Variants in TGM1 observed in about 807,000 individuals in gnomAD.
The protein encoded by TGM1 is transglutaminase 1, also known as protein-glutamine gamma-glutamyltransferase K.
In TGM1, 63 loss-of-function variants were observed where a neutral mutation model predicts 88.7. The observed-to-expected ratio is 0.71, with a 90% CI of 0.58 to 0.88. The LOEUF (loss-of-function observed/expected upper bound fraction) is 0.88. Among genes scored for constraint, TGM1 ranks in the 40% least tolerant of loss-of-function variants. The probability of loss-of-function intolerance (pLI) is 0.00; values close to 1 mark genes in which losing one functional copy is unlikely to be tolerated. For missense variants in TGM1, 996 were observed against 1,118.0 expected (o/e 0.89, Z 1.56); for synonymous variants, 415 against 431.1 (o/e 0.96, Z 0.46).
In TGM1 at chr14:24,255,461, A is replaced by G. The variant is rs201388438; in HGVS notation, c.1548T>C (p.Val516=). The G allele has an allele frequency of 2.1e-5, 34 of 1,614,062 alleles. No individual in the cohort carries two copies. The Admixed American group carries it at 5.7e-4, about 27-fold the overall frequency. ...QRQDDGSFKI[V]YVEEKAIGTL... is the part of the protein sequence containing the mutation. ...TGCCGATGGCCTTCTCCTCCACATA[A>G]ACAATCTTGAAGCTGCCATCATCCT... The change falls in exon 11 of 15, where the codon GTT becomes GTC. Residue 516 remains valine (V), a synonymous_variant. Transcript: ENST00000206765. The surrounding 1 kb of genome is among the most constrained non-coding windows in gnomAD (Gnocchi z 4.0).
Position 24,255,611 on chromosome 14 carries a change from G to A in TGM1, c.1492-94C>T. 2 of 1,554,004 alleles carry A rather than the reference G, an allele frequency of 1.3e-6. No individual in the cohort carries two copies. The highest frequency in any genetic ancestry group is 1.8e-6 in the Non-Finnish European group (2 of 1,136,732). ...CCTTCCCCTGATCCCAGGAGCTATG[G>A]GACAGGGCTTGGTCCCAAGGGTGGG... On this transcript the variant is annotated intron_variant, in intron 10 of 14. Transcript: ENST00000206765. The surrounding 1 kb of genome is among the most constrained non-coding windows in gnomAD (Gnocchi z 4.0).
intron 9 of TGM1, among the ~76,000 whole-genome samples, chr14:24,257,588 A>G (rs2040764848): frequency 6.6e-6 from 1 of 152,226 alleles, no homozygotes; most frequent in African/African-American, 2.4e-5. Flanking sequence ...TATGTGCTTA[A>G]AAGGACTGGA....
At chr14:24,261,215 A>G (rs920802395) in intron 3 of TGM1, among the ~76,000 whole-genome samples, 17 of 152,174 alleles carry the variant, frequency 1.1e-4, no homozygotes, top group Non-Finnish European at 5.9e-5. Context: ...CAGCAGCATA[A>G]TCACCAGCCT....
chr14:24,258,743 CA>C (rs1566378650), intron 7 of TGM1, 70 bp from the exon 8 acceptor site: 19 of 1,597,790 alleles, frequency 1.2e-5, no homozygotes, highest in East Asian at 2.2e-5. Flanking sequence ...TCAGGAGTAT[CA>C]GGGGGAGAAG....
chr14:24,258,464 C>A, intron 8 of TGM1, 71 bp downstream of exon 8: 1 of 1,541,960 alleles, frequency 6.5e-7, no homozygotes. Context: ...CTCCCCAGCC[C>A]TGCCCACCCT....
intron 3 of TGM1, 106 bp downstream of exon 3, chr14:24,261,589 G>A: frequency 2.2e-6 from 3 of 1,382,706 alleles, no homozygotes; most frequent in Admixed American, 3.4e-5. Flanking sequence ...TCTGGCAGAG[G>A]TGAGGAGTGG....
intron 14 of TGM1, among the ~76,000 whole-genome samples, chr14:24,249,939 C>T (rs2040686825): frequency 6.6e-6 from 1 of 152,070 alleles, no homozygotes; most frequent in Non-Finnish European, 1.5e-5. Context: ...ACTTTGGGGG[C>T]CCAACACAAT....
rs1479650998 is a variant in TGM1 at position 24,253,448 on chromosome 14, GTGTGTGTGTGTGTGTC to G, written c.2225+688_2225+703del. 1.7e-4 allele frequency among the ~76,000 whole-genome samples: 25 copies of G among 151,012 alleles called. No homozygotes were observed. The South Asian group carries it at 4.4e-3, about 27-fold the overall frequency. On this transcript the variant is annotated intron_variant, in intron 14 of 14. Coordinates refer to ENST00000206765, the MANE Select transcript of TGM1 (RefSeq NM_000359.3). ...ACTTCGCTTGTGTGTGTGTGTCTCT[GTGTGTGTGTGTGTGTC>G]TGTGTGTGTGTGTGACAGAGAGAGA...
chr14:24,257,401 A>G (rs2040762333), intron 9 of TGM1, among the ~76,000 whole-genome samples: 1 of 152,208 alleles, frequency 6.6e-6, no homozygotes, highest in Non-Finnish European at 1.5e-5. Flanking sequence ...AAACACATGT[A>G]TGTGGACACA....
At position 24,255,192 on chromosome 14, in the gene TGM1, C is replaced by G; in HGVS notation, c.1707G>C (p.Val569=). 6.2e-7 allele frequency: 1 copy of G among 1,614,046 alleles called. No individual in the cohort carries two copies. Among genetic ancestry groups the G allele is most frequent in the Non-Finnish European group, 8.5e-7 (1 of 1,180,040 alleles). ...TAAAHGSKPN[V]YANRGSAEDV... is the part of the protein sequence containing the mutation. Reference sequence around the variant, plus strand: ...CCTCCGCTGAGCCCCGGTTGGCATACACATTGGGTTTGCTGCCGTGGGCTG... The same window carrying G: ...CCTCCGCTGAGCCCCGGTTGGCATAGACATTGGGTTTGCTGCCGTGGGCTG... Residue 569 remains valine (V), a synonymous_variant, in exon 12 of 15, where the codon GTG becomes GTC. Transcript: ENST00000206765. The surrounding 1 kb of genome is among the most constrained non-coding windows in gnomAD (Gnocchi z 4.0).
At position 24,258,682 on chromosome 14, in the gene TGM1, G is replaced by A. The variant is rs781705696; in HGVS notation, c.1160-9C>T. ...ACCCAGGCAGCGCAGCACTGTGGAG[G>A]AGCGAAGGTTGGGGTTCAAGGCATG... On this transcript the variant is annotated splice_polypyrimidine_tract_variant and intron_variant, in intron 7 of 14. Transcript: ENST00000206765. 1.9e-6 allele frequency: 3 copies of A among 1,613,446 alleles called. No individual in the cohort carries two copies. The highest frequency in any genetic ancestry group is 2.5e-6 in the Non-Finnish European group (3 of 1,179,346).
chr14:24,257,948 A>G (rs2040769541), intron 9 of TGM1, among the ~76,000 whole-genome samples: 2 of 152,210 alleles, frequency 1.3e-5, no homozygotes, highest in African/African-American at 4.8e-5. Flanking sequence ...AATTATCTCC[A>G]GGATATGTAA....
At chr14:24,254,384 A>C in intron 13 of TGM1, 96 bp from the exon 14 acceptor site, 1 of 1,577,018 alleles carries the variant, frequency 6.3e-7, no homozygotes, top group Non-Finnish European at 8.7e-7. Context: ...GCTTAGAAGC[A>C]AAACCTCCCC....
At chr14:24,253,101 A>G (rs529698586) in intron 14 of TGM1, among the ~76,000 whole-genome samples, 1 of 152,240 alleles carries the variant, frequency 6.6e-6, no homozygotes, top group South Asian at 2.1e-4. Context: ...AAAACAAACA[A>G]TGAGTTTGAG....
rs1357005778 is a variant in TGM1, at chr14:24,255,667, T to C, written c.1492-150A>G. The C allele has an allele frequency of 8.2e-6, 9 of 1,096,300 alleles. No individual in the cohort carries two copies. The highest frequency in any genetic ancestry group is 2.6e-6 in the Non-Finnish European group (2 of 756,232). 67.9% of individuals were successfully genotyped at this position (1,096,300 alleles called of 1,614,324 possible). A position where few individuals can be genotyped will look rare whatever the true frequency, so the allele number is the denominator to read the frequency against. ...CCTGGCAGAGCCCAAGGGGAGACTT[T>C]CCAAGACGAGCCAGACGAGGCCAGA... is the stretch of plus-strand genomic sequence containing the variant. On this transcript the variant is annotated intron_variant, in intron 10 of 14. Coordinates refer to ENST00000206765, the MANE Select transcript of TGM1 (RefSeq NM_000359.3). The surrounding 1 kb of genome is among the most constrained non-coding windows in gnomAD (Gnocchi z 4.0).
intron 12 of TGM1, 21 bp from the exon 13 acceptor site, chr14:24,254,845 G>T: frequency 1.2e-6 from 2 of 1,613,504 alleles, no homozygotes; most frequent in Non-Finnish European, 1.7e-6. Flanking sequence ...GAGGCATGGC[G>T]TCACTGAGGC....
At position 24,259,091 on chromosome 14, in the gene TGM1, A is replaced by C. The variant is rs149449576; in HGVS notation, c.1143T>G (p.Ala381=). The C allele has an allele frequency of 1.1e-4, 171 of 1,613,916 alleles. No individual in the cohort carries two copies. Among genetic ancestry groups the C allele is most frequent in the Non-Finnish European group, 1.4e-4 (169 of 1,180,012 alleles). ...CTCCACTACCTGTGGTGGTCACGCCAGCAAAGACCCAGCACTGGCCATAGG... is the reference window on the plus strand; with the variant it reads ...CTCCACTACCTGTGGTGGTCACGCCCGCAAAGACCCAGCACTGGCCATAGG... The part of the protein sequence containing the change: ...SVPYGQCWVF[A]GVTTTVLRCL... The change falls in exon 7 of 15, where the codon GCT becomes GCG. Residue 381 remains alanine, a synonymous_variant. Transcript: ENST00000206765. The surrounding 1 kb of genome is among the most constrained non-coding windows in gnomAD (Gnocchi z 5.7).
Position 24,256,084 on chromosome 14 carries a change from A to G in TGM1, c.1403-7T>C. The stretch of plus-strand genomic sequence containing the variant: ...GGGCCGCAGCAGAAGATGCCTAGAG[A>G]GTGAGGCGGGACAGAGGCAAGAGAT... On this transcript the variant is annotated splice_polypyrimidine_tract_variant and splice_region_variant and intron_variant, in intron 9 of 14. Transcript: ENST00000206765. 4 of 1,558,096 alleles carry G rather than the reference A, an allele frequency of 2.6e-6. No homozygotes were observed. Among genetic ancestry groups the G allele is most frequent in the Non-Finnish European group, 3.5e-6 (4 of 1,149,834 alleles).
chr14:24,256,038 T>C lies in TGM1; in HGVS notation c.1442A>G (p.Lys481Arg), dbSNP rs1298117967. 1.3e-6 allele frequency: 2 copies of C among 1,571,416 alleles called. No homozygotes were observed. Among genetic ancestry groups the C allele is most frequent in the South Asian group, 1.2e-5 (1 of 85,620 alleles). The change falls in exon 10 of 15, where the codon AAG becomes AGG. Residue 481 changes from lysine (K) to arginine (R), a missense_variant. Lys to Arg is a conservative substitution (Grantham distance 26). Transcript: ENST00000206765. ...GTACTTCATGTAGACCAGGCCATTC[T>C]TGATGGACTCCACAGAGCAGGGGCC... ...CCGPCSVESI[K>R]NGLVYMKYDT... is the part of the protein sequence containing the mutation.
Sources: allele counts gnomAD v4.1 joint callset (sites outside exome capture counted in the v4.1 genomes callset), GRCh38; gene constraint gnomAD v4.1.1; non-coding constraint Gnocchi (gnomAD v3.1); transcripts MANE v1.5; gene names NCBI Gene and HGNC (gene_info 2026-07-23, HGNC 2026-07-21).